The following AFAP1L2 variants were observed in gnomAD, a reference collection of about 807,000 sequenced individuals.
AFAP1L2 encodes the protein actin filament associated protein 1 like 2.
In AFAP1L2, 46 loss-of-function variants were observed where a neutral mutation model predicts 99.3. The ratio of observed to expected loss-of-function variants is 0.46; its 90% confidence interval spans 0.37 to 0.59. The LOEUF (loss-of-function observed/expected upper bound fraction) is 0.59. Among genes scored for constraint, AFAP1L2 ranks in the 20% least tolerant of loss-of-function variants. AFAP1L2 has a pLI of 0.00. For missense variants in AFAP1L2, 959 were observed against 1,034.9 expected, an observed-to-expected ratio of 0.93 and a Z score of 1.01; for synonymous variants, 397 against 419.1, an observed-to-expected ratio of 0.95 and a Z score of 0.64.
chr10:114,308,228 A>C (rs2042713113), intron 9 of AFAP1L2, among the ~76,000 whole-genome samples: 1 of 152,252 alleles, frequency 6.6e-6, no homozygotes, highest in Admixed American at 6.5e-5. Flanking sequence ...AAGAGATGGA[A>C]GAACATTCTA....
intron 1 of AFAP1L2, among the ~76,000 whole-genome samples, chr10:114,365,662 G>A (rs1053668165): frequency 1.3e-5 from 2 of 151,678 alleles, no homozygotes; most frequent in African/African-American, 2.4e-5. Flanking sequence ...TTACCATGAT[G>A]GATCTAAGGG....
intron 1 of AFAP1L2, among the ~76,000 whole-genome samples, chr10:114,368,480 C>T (rs2053603435): frequency 1.3e-5 from 2 of 152,098 alleles, no homozygotes; most frequent in Admixed American, 6.5e-5. Flanking sequence ...AATGCAATGG[C>T]AGGATCATGG....
intron 1 of AFAP1L2, among the ~76,000 whole-genome samples, chr10:114,351,052 G>A (rs1216807780): frequency 2.6e-5 from 4 of 152,196 alleles, no homozygotes; most frequent in Middle Eastern, 3.2e-3. Flanking sequence ...CTCCCTGCGC[G>A]GCAAGTCCCA....
At chr10:114,354,744 C>T (rs555659270) in intron 1 of AFAP1L2, among the ~76,000 whole-genome samples, 1 of 152,168 alleles carries the variant, frequency 6.6e-6, no homozygotes, top group Non-Finnish European at 1.5e-5. Flanking sequence ...TAAGCCAGTG[C>T]TCAGAAGGAA....
rs781022952 is a variant in AFAP1L2, at chr10:114,304,847, G to A, written c.1156C>T (p.Arg386Trp). The change falls in exon 11 of 19, where the codon CGG becomes TGG. Residue 386 changes from arginine to tryptophan, a missense_variant. Arg to Trp is a moderately radical substitution (Grantham distance 101). Coordinates refer to ENST00000304129, the MANE Select transcript of AFAP1L2 (RefSeq NM_001001936.3). ...TGCTGGGCCACCTTGCTCCGGTTCCGGTCCTGGTAGAAGTGCAGGTGATTG... is the reference window on the plus strand; with the variant it reads ...TGCTGGGCCACCTTGCTCCGGTTCCAGTCCTGGTAGAAGTGCAGGTGATTG... ...RDNHLHFYQDRNRSKVAQQPL... is the reference protein window; with the variant it reads ...RDNHLHFYQDWNRSKVAQQPL... 2 of 1,613,526 alleles carry A rather than the reference G, an allele frequency of 1.2e-6. No homozygotes were observed. The highest frequency in any genetic ancestry group is 2.7e-5 in the African/African-American group (2 of 75,030).
At chr10:114,370,679 C>G (rs1401629858) in intron 1 of AFAP1L2, among the ~76,000 whole-genome samples, 4 of 152,326 alleles carry the variant, frequency 2.6e-5, no homozygotes, top group African/African-American at 9.6e-5. Flanking sequence ...TTGGGGCCTG[C>G]TTGCTAACAG....
intron 4 of AFAP1L2, among the ~76,000 whole-genome samples, chr10:114,324,395 C>A: frequency 4.1e-5 from 1 of 24,600 alleles, no homozygotes; most frequent in African/African-American, 1.0e-4. Context: ...AGGGGTGCAC[C>A]ACCCCCCCCC....
chr10:114,323,634 A>G (rs1361807086), intron 4 of AFAP1L2, among the ~76,000 whole-genome samples: 1 of 152,224 alleles, frequency 6.6e-6, no homozygotes, highest in African/African-American at 2.4e-5. Context: ...TAAATAGAAT[A>G]TATTTTCTAA....
chr10:114,362,883 A>G (rs951182171), intron 1 of AFAP1L2: 1 of 914,958 alleles, frequency 1.1e-6, no homozygotes, highest in Non-Finnish European at 1.3e-6. Context: ...TCTGATTTGA[A>G]AACATTCACT....
At chr10:114,371,358 G>A (rs72826927) in intron 1 of AFAP1L2, among the ~76,000 whole-genome samples, 6,386 of 152,270 alleles carry the variant, frequency 0.042, 178 homozygotes, top group Middle Eastern at 0.078. Context: ...CAGCTGGGAA[G>A]AGGCAAATCA....
chr10:114,319,614 G>A lies in AFAP1L2; in HGVS notation c.406+3557C>T, dbSNP rs752074057. Reference sequence around the variant, plus strand: ...CTTCGGGCACCTGCACCCATCTGGGGACTCCAGTGGGGAGAAATCCGCCAG... The same window carrying A: ...CTTCGGGCACCTGCACCCATCTGGGAACTCCAGTGGGGAGAAATCCGCCAG... On this transcript the variant is annotated intron_variant, in intron 5 of 18. Coordinates refer to ENST00000304129, the MANE Select transcript of AFAP1L2 (RefSeq NM_001001936.3). 1.5e-5 allele frequency: 19 copies of A among 1,289,724 alleles called. No homozygotes were observed. The East Asian group carries it at 5.0e-4, about 34-fold the overall frequency. 79.9% of individuals were successfully genotyped at this position (1,289,724 alleles called of 1,614,324 possible).
chr10:114,315,823 G>A, intron 5 of AFAP1L2, 58 bp from the exon 6 acceptor site: 2 of 1,519,584 alleles, frequency 1.3e-6, no homozygotes. Context: ...TCCTGAAGCA[G>A]CATCGCTGGG....
chr10:114,305,490 CGGGGCT>C (rs2134216714), intron 10 of AFAP1L2, among the ~76,000 whole-genome samples: 1 of 70,794 alleles, frequency 1.4e-5, no homozygotes, highest in Non-Finnish European at 2.6e-5. Flanking sequence ...CAGGAGGGGA[CGGGGCT>C]GCAGGAGGAG....
At chr10:114,400,775 G>A (rs904535102) in intron 1 of AFAP1L2, among the ~76,000 whole-genome samples, 1 of 152,090 alleles carries the variant, frequency 6.6e-6, no homozygotes, top group Non-Finnish European at 1.5e-5. Context: ...AAAATACAAT[G>A]CCCAAGCTGT....
chr10:114,330,575 C>T (rs2047090515), intron 4 of AFAP1L2, among the ~76,000 whole-genome samples: 1 of 152,292 alleles, frequency 6.6e-6, no homozygotes, highest in South Asian at 2.1e-4. Context: ...ATCCTTAGCC[C>T]ATTAAATAAG....
intron 9 of AFAP1L2, 101 bp downstream of exon 9, chr10:114,308,332 G>A: frequency 2.0e-6 from 2 of 983,130 alleles, no homozygotes; most frequent in Non-Finnish European, 3.1e-6. Context: ...TATTAATAGG[G>A]GGCCATGTTA....
intron 8 of AFAP1L2, among the ~76,000 whole-genome samples, chr10:114,309,007 A>C (rs1260975460): frequency 6.6e-6 from 1 of 152,208 alleles, no homozygotes; most frequent in East Asian, 1.9e-4. Flanking sequence ...ATGACATCCC[A>C]GTCTGCTCAC....
chr10:114,376,522 G>T (rs1219256016), intron 1 of AFAP1L2, among the ~76,000 whole-genome samples: 1 of 152,326 alleles, frequency 6.6e-6, no homozygotes, highest in East Asian at 1.9e-4. Context: ...AGCCTATTCA[G>T]CTTCTCTTAC....
intron 4 of AFAP1L2, among the ~76,000 whole-genome samples, chr10:114,328,558 C>G (rs1458473866): frequency 6.6e-6 from 1 of 152,216 alleles, no homozygotes; most frequent in Admixed American, 6.5e-5. Context: ...GTGGCCTCTC[C>G]AGGCTGCTGT....
Sources: allele counts gnomAD v4.1 joint callset (sites outside exome capture counted in the v4.1 genomes callset), GRCh38; gene constraint gnomAD v4.1.1; transcripts MANE v1.5; gene names NCBI Gene and HGNC (gene_info 2026-07-23, HGNC 2026-07-21).